Variants in SAMD13 observed in about 807,000 individuals in gnomAD.
SAMD13 encodes sterile alpha motif domain-containing protein 13.
Under a neutral mutation model 12.4 loss-of-function variants are expected in SAMD13, and 9 were observed. The ratio of observed to expected loss-of-function variants is 0.72; its 90% CI spans 0.44 to 1.26. The LOEUF (loss-of-function observed/expected upper bound fraction) is 1.26, where lower values mean the gene tolerates loss of function less well. SAMD13 is among the 50% of genes most tolerant of loss of function. The probability of loss-of-function intolerance (pLI) is 0.00; values close to 1 mark genes in which losing one functional copy is unlikely to be tolerated. For synonymous variants in SAMD13, 46 were observed against 45.4 expected, an observed-to-expected ratio of 1.01 and a Z score of -0.05; for missense variants, 84 against 119.6, an observed-to-expected ratio of 0.70 and a Z score of 1.39.
At chr1:84,334,755 G>T (rs911510173) in intron 3 of SAMD13, among the ~76,000 whole-genome samples, 13 of 152,020 alleles carry the variant, frequency 8.6e-5, no homozygotes, top group African/African-American at 2.9e-4. Context: ...CTGGTATGTT[G>T]TATTTTTGTT....
At chr1:84,310,874 A>T (rs370305118) in intron 2 of SAMD13, among the ~76,000 whole-genome samples, 2 of 152,190 alleles carry the variant, frequency 1.3e-5, no homozygotes, top group African/African-American at 4.8e-5. Context: ...AATGTATGAA[A>T]TTATTATTGT....
chr1:84,309,134 C>T (rs1437259832), intron 2 of SAMD13, among the ~76,000 whole-genome samples: 1 of 152,022 alleles, frequency 6.6e-6, no homozygotes, highest in East Asian at 1.9e-4. Flanking sequence ...TAAACAGAAG[C>T]TCAGAGAAGT....
chr1:84,342,816 A>T (rs984645762), intron 3 of SAMD13, among the ~76,000 whole-genome samples: 1 of 152,244 alleles, frequency 6.6e-6, no homozygotes, highest in African/African-American at 2.4e-5. Context: ...CATGACGAAA[A>T]CATCAAAAGC....
chr1:84,334,872 C>T (rs1188479165), intron 3 of SAMD13, among the ~76,000 whole-genome samples: 2 of 151,978 alleles, frequency 1.3e-5, no homozygotes, highest in Non-Finnish European at 2.9e-5. Flanking sequence ...TGACCTTCCT[C>T]TTACTGATAT....
chr1:84,342,204 G>A (rs891300928), intron 3 of SAMD13, among the ~76,000 whole-genome samples: 5 of 152,244 alleles, frequency 3.3e-5, no homozygotes, highest in Middle Eastern at 3.4e-3. Flanking sequence ...CTGTAGTTGC[G>A]TATCCTGCAA....
intron 2 of SAMD13, among the ~76,000 whole-genome samples, chr1:84,306,668 G>C (rs1275208675): frequency 9.2e-6 from 1 of 108,248 alleles, no homozygotes; most frequent in Admixed American, 9.5e-5. Flanking sequence ...AAAAAAGAGA[G>C]AGAGAGAGAG....
chr1:84,338,356 A>T (rs1223492268), intron 3 of SAMD13, among the ~76,000 whole-genome samples: 3 of 151,852 alleles, frequency 2.0e-5, no homozygotes, highest in Non-Finnish European at 4.4e-5. Context: ...GAGGAAGGCA[A>T]GGAGGAGCAA....
At chr1:84,301,884 C>T (rs775396982) in intron 1 of SAMD13, 83 bp downstream of exon 1, 21 of 529,380 alleles carry the variant, frequency 4.0e-5, no homozygotes, top group Admixed American at 1.9e-4. Flanking sequence ...TGCAGAGTAT[C>T]ATTGTGAGTG....
intron 3 of SAMD13, among the ~76,000 whole-genome samples, chr1:84,326,317 T>C (rs777277324): frequency 1.3e-5 from 2 of 152,198 alleles, no homozygotes; most frequent in Non-Finnish European, 2.9e-5. Flanking sequence ...AACATCAGAC[T>C]GTCAATAACT....
intron 3 of SAMD13, among the ~76,000 whole-genome samples, chr1:84,328,273 A>G (rs2101807014): frequency 6.6e-6 from 1 of 152,292 alleles, no homozygotes; most frequent in Non-Finnish European, 1.5e-5. Context: ...GACACTGGGA[A>G]CCATAATGGG....
intron 2 of SAMD13, among the ~76,000 whole-genome samples, chr1:84,311,437 A>C (rs1362696534): frequency 6.6e-6 from 1 of 152,212 alleles, no homozygotes; most frequent in African/African-American, 2.4e-5. Flanking sequence ...AGTACAGCAA[A>C]TCTTTGTAAA....
At chr1:84,340,093 T>C (rs1371123218) in intron 3 of SAMD13, among the ~76,000 whole-genome samples, 1 of 152,124 alleles carries the variant, frequency 6.6e-6, no homozygotes, top group Middle Eastern at 3.2e-3. Context: ...CCCAAAAGAA[T>C]TGAAAAGAGG....
intron 2 of SAMD13, among the ~76,000 whole-genome samples, chr1:84,317,775 T>G (rs1438492001): frequency 6.6e-6 from 1 of 152,118 alleles, no homozygotes; most frequent in Non-Finnish European, 1.5e-5. Flanking sequence ...TGGCATTAAT[T>G]CTTCCTTAAA....
At chr1:84,315,843 A>G (rs1007249785) in intron 2 of SAMD13, among the ~76,000 whole-genome samples, 15 of 152,146 alleles carry the variant, frequency 9.9e-5, no homozygotes, top group Non-Finnish European at 1.5e-4. Context: ...ACCATAGTAT[A>G]CAAAGGTTAT....
chr1:84,317,554 T>A (rs1227511407), intron 2 of SAMD13, among the ~76,000 whole-genome samples: 2 of 152,100 alleles, frequency 1.3e-5, no homozygotes, highest in African/African-American at 2.4e-5. Flanking sequence ...TCCCACTAGG[T>A]CATGGTGAAT....
At chr1:84,306,391 CAT>C (rs1678573719) in intron 2 of SAMD13, among the ~76,000 whole-genome samples, 1 of 152,094 alleles carries the variant, frequency 6.6e-6, no homozygotes, top group African/African-American at 2.4e-5. Flanking sequence ...CATTTTGTAA[CAT>C]AGACAATTAT....
intron 2 of SAMD13, among the ~76,000 whole-genome samples, chr1:84,325,343 G>A (rs1271126103): frequency 6.6e-6 from 1 of 152,080 alleles, no homozygotes; most frequent in Admixed American, 6.6e-5. Context: ...AGAGAGAGCG[G>A]TATGTTGAGG....
intron 3 of SAMD13, among the ~76,000 whole-genome samples, chr1:84,327,142 G>T (rs1292645724): frequency 1.3e-5 from 2 of 152,222 alleles, no homozygotes; most frequent in African/African-American, 2.4e-5. Flanking sequence ...GTACAAAATT[G>T]TTCTTACTAG....
chr1:84,342,914 C>G (rs1453352253), intron 3 of SAMD13, among the ~76,000 whole-genome samples: 1 of 152,104 alleles, frequency 6.6e-6, no homozygotes, highest in Non-Finnish European at 1.5e-5. Context: ...TCAGAGTGAA[C>G]AGGTAACCTA....
Sources: gnomAD v4.1 joint callset for allele counts (sites outside exome capture counted in the v4.1 genomes callset) on GRCh38, gnomAD v4.1.1 for gene constraint, MANE v1.5 for transcripts, NCBI Gene and HGNC (gene_info 2026-07-23, HGNC 2026-07-21) for gene names.